Variants in CACNA1A observed in about 807,000 individuals in gnomAD.
CACNA1A encodes the protein voltage-dependent P/Q-type calcium channel subunit alpha-1A.
Under a neutral mutation model 262.4 loss-of-function variants are expected in CACNA1A, and 57 were observed. That is an observed-to-expected ratio of 0.22 (90% CI 0.18 to 0.27). CACNA1A has a LOEUF of 0.27. Ranked by LOEUF, CACNA1A falls within the 10% of genes least tolerant of loss-of-function variation. The pLI is 1.00. For missense variants in CACNA1A, 2,526 were observed against 3,562.8 expected, an observed-to-expected ratio of 0.71 and a Z score of 7.41; for synonymous variants, 1,431 against 1,419.3, an observed-to-expected ratio of 1.01 and a Z score of -0.18.
Position 13,464,237 on chromosome 19 carries a change from A to T in CACNA1A, c.294-9025T>A, listed in dbSNP as rs868795553. Among the ~76,000 whole-genome samples the T allele has an allele frequency of 2.7e-4, 41 of 152,248 alleles. 1 individual carries two copies. Among genetic ancestry groups the T allele is most frequent in the South Asian group, 8.3e-4 (4 of 4,828 alleles). ...ATCCTGTCTCTACAAAAATACATTT[A>T]AAAATAAGAAAACTAGCCAGGCATG... On this transcript the variant is annotated intron_variant, in intron 1 of 46. Coordinates refer to ENST00000360228, the MANE Select transcript of CACNA1A (RefSeq NM_001127222.2).
chr19:13,479,270 A>C (rs569644795), intron 1 of CACNA1A, among the ~76,000 whole-genome samples: 1 of 152,320 alleles, frequency 6.6e-6, no homozygotes, highest in Admixed American at 6.5e-5. Flanking sequence ...GTAAGTAAGA[A>C]GGTGAAAAGT....
chr19:13,375,773 G>A (rs752747709), intron 3 of CACNA1A, among the ~76,000 whole-genome samples: 2 of 152,126 alleles, frequency 1.3e-5, no homozygotes, highest in African/African-American at 2.4e-5. Flanking sequence ...GGGCAACGGA[G>A]TGAGACCCTG....
At chr19:13,276,228 C>T (rs541656588) in intron 23 of CACNA1A, among the ~76,000 whole-genome samples, 2 of 152,318 alleles carry the variant, frequency 1.3e-5, no homozygotes, top group South Asian at 2.1e-4. Context: ...TGTCCCAAAT[C>T]CCTCATTGGT....
chr19:13,425,323 A>G (rs1263791543), intron 3 of CACNA1A, among the ~76,000 whole-genome samples: 1 of 152,286 alleles, frequency 6.6e-6, no homozygotes, highest in Non-Finnish European at 1.5e-5. Flanking sequence ...CCCCAAGGGC[A>G]TCTGTCTAAC....
chr19:13,292,482 T>C (rs752273709), intron 19 of CACNA1A, among the ~76,000 whole-genome samples: 26 of 151,692 alleles, frequency 1.7e-4, no homozygotes, highest in South Asian at 6.3e-4. Flanking sequence ...GGCATGGTCA[T>C]GCACACCTGT....
intron 19 of CACNA1A, among the ~76,000 whole-genome samples, chr19:13,295,528 G>A (rs1366059569): frequency 2.2e-5 from 3 of 137,994 alleles, no homozygotes; most frequent in Non-Finnish European, 4.6e-5. Context: ...GACTTGTTCT[G>A]TTGCCCAGGT....
At chr19:13,255,669 G>GCTCC (rs2056526457) in intron 28 of CACNA1A, among the ~76,000 whole-genome samples, 6 of 81,694 alleles carry the variant, frequency 7.3e-5, no homozygotes, top group Admixed American at 6.6e-4. Flanking sequence ...TCCCTCCCTC[G>GCTCC]CTCCCTCCCT....
chr19:13,223,337 T>A (rs1407880819), intron 38 of CACNA1A, among the ~76,000 whole-genome samples: 2 of 152,080 alleles, frequency 1.3e-5, no homozygotes, highest in African/African-American at 4.8e-5. Context: ...GGGACTACAG[T>A]ACCCACCACC....
rs543466185 is a variant in CACNA1A, at chr19:13,327,449, C to T, written c.1345+2795G>A. On this transcript the variant is annotated intron_variant, in intron 10 of 46. Transcript: ENST00000360228. ...ATGTCACCTGCCTTGTTAACAGAGG[C>T]GGAGGCTGCAGTGAGCCGAGATGGC... Among the ~76,000 whole-genome samples, 48 of 145,888 alleles carry T rather than the reference C, an allele frequency of 3.3e-4. No individual in the cohort carries two copies. The South Asian group carries it at 5.4e-3, about 17-fold the overall frequency.
At chr19:13,376,353 C>T (rs2059404175) in intron 3 of CACNA1A, among the ~76,000 whole-genome samples, 1 of 152,012 alleles carries the variant, frequency 6.6e-6, no homozygotes, top group African/African-American at 2.4e-5. Flanking sequence ...AGCTAGTGCT[C>T]CTGGTGACTT....
chr19:13,298,547 C>T lies in CACNA1A; in HGVS notation c.3086G>A (p.Arg1029Lys). The stretch of plus-strand genomic sequence containing the variant: ...ATTCGAGGTCACCTCCACTTACTTC[C>T]TCCTCCGATGCCTCCGCTCCTTGTC... ...REDKERRHRRRKENQGSGVPV... is the reference protein window; with the variant it reads ...REDKERRHRRKKENQGSGVPV... Residue 1029 changes from arginine (R) to lysine (K), a missense_variant, in exon 19 of 47, where the codon AGG becomes AAG. By Grantham distance (26) the Arg-to-Lys change is conservative (BLOSUM62 2). This residue lies in a region of CACNA1A where 765 missense variants were observed against 748.6 expected (regional missense o/e 1.02). Coordinates refer to ENST00000360228, the MANE Select transcript of CACNA1A (RefSeq NM_001127222.2). 6.5e-7 allele frequency: 1 copy of T among 1,542,316 alleles called. No homozygotes were observed. The highest frequency in any genetic ancestry group is 8.8e-7 in the Non-Finnish European group (1 of 1,142,328).
At chr19:13,343,497 T>C (rs1329501555) in intron 6 of CACNA1A, among the ~76,000 whole-genome samples, 1 of 152,028 alleles carries the variant, frequency 6.6e-6, no homozygotes, top group African/African-American at 2.4e-5. Context: ...TGAGAAAGTG[T>C]CTGTCTCTTG....
At chr19:13,294,218 A>C (rs201219459) in intron 19 of CACNA1A, among the ~76,000 whole-genome samples, 7,170 of 150,334 alleles carry the variant, frequency 0.048, 248 homozygotes, top group South Asian at 0.11. Context: ...AAAAAAAAAA[A>C]ACAAACAAAA....
intron 30 of CACNA1A, among the ~76,000 whole-genome samples, chr19:13,248,581 G>A (rs578070763): frequency 6.6e-6 from 1 of 152,152 alleles, no homozygotes; most frequent in Non-Finnish European, 1.5e-5. Context: ...GGTGGCTCAT[G>A]CCTATAATCC....
intron 3 of CACNA1A, among the ~76,000 whole-genome samples, chr19:13,434,007 G>A (rs2060567939): frequency 2.6e-5 from 4 of 152,152 alleles, no homozygotes; most frequent in Admixed American, 2.0e-4. Context: ...CTTCCTAGCC[G>A]TGTGGCTTGG....
intron 1 of CACNA1A, among the ~76,000 whole-genome samples, chr19:13,461,212 C>T (rs540989007): frequency 2.0e-5 from 3 of 152,140 alleles, no homozygotes; most frequent in South Asian, 2.1e-4. Context: ...TAGTGGCAGA[C>T]GCCTGTAATC....
intron 36 of CACNA1A, among the ~76,000 whole-genome samples, chr19:13,229,518 C>T (rs1477016999): frequency 6.6e-6 from 1 of 152,148 alleles, no homozygotes; most frequent in Non-Finnish European, 1.5e-5. Context: ...TGGTGTCTAC[C>T]CAGATGGGAG....
Position 13,338,089 on chromosome 19 carries a change from C to T in CACNA1A, c.979-2180G>A, listed in dbSNP as rs115209417. On this transcript the variant is annotated intron_variant, in intron 6 of 46. Transcript: ENST00000360228. ...AAAAAAAATTAGCCGGGCCTGGTGA[C>T]GGGCGCCTGTAGCTACCTGGGAGGC... Among the ~76,000 whole-genome samples the T allele has an allele frequency of 1.0e-2, 1,515 of 152,204 alleles. 20 individuals carry two copies. The highest frequency in any genetic ancestry group is 0.035 in the African/African-American group (1,441 of 41,534).
At chr19:13,261,756 C>T in intron 25 of CACNA1A, 146 bp from the exon 26 acceptor site, 1 of 724,904 alleles carries the variant, frequency 1.4e-6, no homozygotes, top group Non-Finnish European at 2.3e-6. Context: ...GTAAGGTCCC[C>T]CCAGCTTTCA....
Sources: gnomAD v4.1 joint callset for allele counts (sites outside exome capture counted in the v4.1 genomes callset) on GRCh38, gnomAD v4.1.1 for gene constraint, gnomAD v4.1.1 regional missense constraint, MANE v1.5 for transcripts, NCBI Gene and HGNC (gene_info 2026-07-23, HGNC 2026-07-21) for gene names.